ZNF577: variants seen among roughly 807,000 people sequenced by gnomAD.
The protein encoded by ZNF577 is zinc finger protein 577.
Under a neutral mutation model 13.9 loss-of-function variants are expected in ZNF577, and 14 were observed. The observed-to-expected ratio is 1.00, with a 90% confidence interval of 0.66 to 1.57. The LOEUF is 1.57. Among genes scored for constraint, ZNF577 ranks in the 40% most tolerant of loss-of-function variants. ZNF577 has a pLI of 0.00. For synonymous variants in ZNF577, 203 were observed against 202.9 expected (o/e 1.00, Z 0.00); for missense variants, 555 against 579.2 (o/e 0.96, Z 0.43).
intron 9 of ZNF577, chr19:51,839,879 G>A (rs73934674): frequency 0.073 from 11,068 of 152,244 alleles, 1,188 homozygotes; most frequent in African/African-American, 0.24. Context: ...CCCCAACAGC[G>A]CTGGGAAACT....
In ZNF577 at chr19:51,857,422, G is replaced by GAA. The variant is rs1555745883; in HGVS notation, c.284-12493_284-12492dup. Among the ~76,000 whole-genome samples, 619 of 108,504 alleles carry GAA rather than the reference G, an allele frequency of 5.7e-3. 1 individual carries two copies. Among genetic ancestry groups the GAA allele is most frequent in the South Asian group, 0.031 (83 of 2,664 alleles). 71.2% of individuals were successfully genotyped at this position (108,504 alleles called of 152,430 possible). On this transcript the variant is annotated intron_variant and NMD_transcript_variant, in intron 5 of 10. Transcript: ENST00000638827. ...AGAAAGAAAGAAAGAAAGAAAGAAA[G>GAA]AAAGAAAAGAAAAAACAAAGAAAGG... is the stretch of plus-strand genomic sequence containing the variant.
intron 5 of ZNF577, among the ~76,000 whole-genome samples, chr19:51,856,796 A>G (rs1360782835): frequency 6.6e-6 from 1 of 152,312 alleles, no homozygotes; most frequent in East Asian, 1.9e-4. Flanking sequence ...AGGTGGTAGT[A>G]TATTGCAGCC....
At position 51,868,728 on chromosome 19, in the gene ZNF577, A is replaced by G. The variant is rs1223532951; in HGVS notation, c.*3804T>C. 6.6e-6 allele frequency among the ~76,000 whole-genome samples: 1 copy of G among 152,228 alleles called. No individual in the cohort carries two copies. Among genetic ancestry groups the G allele is most frequent in the Non-Finnish European group, 1.5e-5 (1 of 68,038 alleles). On this transcript the variant is annotated 3_prime_UTR_variant, in exon 6 of 6. Transcript: ENST00000638348. ...ATGTGTGTGGGGGAAAGAAAGATAG[A>G]TCAGACTGCTACTGTGTCTATGTAG...
chr19:51,860,848 T>A, intron 5 of ZNF577: 1 of 365,540 alleles, frequency 2.7e-6, no homozygotes, highest in Middle Eastern at 4.1e-4. Context: ...ATCTATGAGA[T>A]TTCTCTCGTA....
intron 9 of ZNF577, among the ~76,000 whole-genome samples, chr19:51,837,055 A>AG (rs1438424482): frequency 6.9e-6 from 1 of 145,320 alleles, no homozygotes. Flanking sequence ...AAAAAAAAAA[A>AG]AAAAGAAAAG....
Position 51,869,025 on chromosome 19 carries a change from C to T in ZNF577, c.*3507G>A, listed in dbSNP as rs939959294. Among the ~76,000 whole-genome samples the T allele has an allele frequency of 6.6e-6, 1 of 152,148 alleles. No individual in the cohort carries two copies. Among genetic ancestry groups the T allele is most frequent in the African/African-American group, 2.4e-5 (1 of 41,414 alleles). On this transcript the variant is annotated 3_prime_UTR_variant, in exon 6 of 6. Coordinates refer to ENST00000638348, the MANE Select transcript of ZNF577 (RefSeq NM_001370449.1). Reference sequence around the variant, plus strand: ...GCGGAAGGCCGCAGGGACCTCTGCCCAAGAAAGCCTGGGTATCGTCCAAGG... The same window carrying T: ...GCGGAAGGCCGCAGGGACCTCTGCCTAAGAAAGCCTGGGTATCGTCCAAGG...
chr19:51,822,173 T>A (rs1238405851), intron 9 of ZNF577, among the ~76,000 whole-genome samples: 3 of 152,180 alleles, frequency 2.0e-5, no homozygotes. Context: ...GGGACTGTAA[T>A]TTTGTGATTC....
intron 5 of ZNF577, chr19:51,860,879 T>C (rs1362588628): frequency 7.7e-6 from 3 of 391,588 alleles, no homozygotes; most frequent in African/African-American, 2.2e-5. Flanking sequence ...TCAAAGAGTT[T>C]TGACTTTCAG....
chr19:51,856,197 A>AT, intron 5 of ZNF577, among the ~76,000 whole-genome samples: 1 of 152,178 alleles, frequency 6.6e-6, no homozygotes, highest in East Asian at 1.9e-4. Context: ...CACATAATTT[A>AT]TTTTTTGCAC....
chr19:51,874,077 C>A (rs1407983534), intron 5 of ZNF577, among the ~76,000 whole-genome samples: 1 of 152,170 alleles, frequency 6.6e-6, no homozygotes, highest in African/African-American at 2.4e-5. Context: ...TCAGCAACAA[C>A]AATGGATACT....
chr19:51,812,556 C>T (rs1266082909), intron 9 of ZNF577, among the ~76,000 whole-genome samples: 1 of 152,126 alleles, frequency 6.6e-6, no homozygotes, highest in African/African-American at 2.4e-5. Flanking sequence ...TTCTACAGAC[C>T]CTCAGCTACA....
intron 5 of ZNF577, among the ~76,000 whole-genome samples, chr19:51,875,448 G>A (rs955782550): frequency 4.0e-5 from 6 of 151,476 alleles, no homozygotes; most frequent in Admixed American, 6.6e-5. Context: ...AACAAGAGCC[G>A]ACAGCGAAAG....
intron 9 of ZNF577, among the ~76,000 whole-genome samples, chr19:51,839,025 A>T (rs999179566): frequency 6.6e-6 from 1 of 152,248 alleles, no homozygotes; most frequent in Non-Finnish European, 1.5e-5. Flanking sequence ...TTTCTCAATT[A>T]TCTACTATAA....
At chr19:51,836,514 A>G (rs1180786977) in intron 9 of ZNF577, among the ~76,000 whole-genome samples, 1 of 152,142 alleles carries the variant, frequency 6.6e-6, no homozygotes, top group Non-Finnish European at 1.5e-5. Flanking sequence ...TCTTCTTCTG[A>G]AAAACGTCTA....
Position 51,845,913 on chromosome 19 carries a change from A to AAC in ZNF577, c.284-984_284-983dup, listed in dbSNP as rs2084349010. On this transcript the variant is annotated intron_variant and NMD_transcript_variant, in intron 5 of 10. Coordinates refer to the ZNF577 transcript ENST00000638827. ...ATTACCTCTCTTGGCTATTGTGAAT[A>AAC]ACACTGCAATGAACATGGGAGTGCA... is the stretch of plus-strand genomic sequence containing the variant. Among the ~76,000 whole-genome samples the AAC allele has an allele frequency of 2.6e-5, 4 of 152,252 alleles. No individual in the cohort carries two copies. The South Asian group carries it at 8.3e-4, about 31-fold the overall frequency.
At chr19:51,860,649 T>C (rs571224783) in intron 5 of ZNF577, 1 of 174,438 alleles carries the variant, frequency 5.7e-6, no homozygotes, top group East Asian at 1.9e-4. Context: ...TTTCAAAAGC[T>C]TTCCACATTC....
At chr19:51,837,627 A>G (rs751438364) in intron 9 of ZNF577, among the ~76,000 whole-genome samples, 7 of 152,294 alleles carry the variant, frequency 4.6e-5, no homozygotes, top group African/African-American at 9.6e-5. Flanking sequence ...TATCTCTTAT[A>G]TAATTCCATA....
intron 10 of ZNF577, among the ~76,000 whole-genome samples, chr19:51,806,242 C>T (rs2084057904): frequency 6.6e-6 from 1 of 152,154 alleles, no homozygotes; most frequent in Admixed American, 6.5e-5. Flanking sequence ...CATGTTTCTC[C>T]AGTCTCCCAT....
intron 5 of ZNF577, among the ~76,000 whole-genome samples, chr19:51,855,367 C>CTGTGTGTGTGTGTATGTGTGTG (rs1555745556): frequency 1.3e-4 from 18 of 143,560 alleles, no homozygotes; most frequent in African/African-American, 4.7e-4. Context: ...GCTGAGGGTG[C>CTGTGTGTGTGTGTATGTGTGTG]TGTGTGTGTG....
Sources: gnomAD v4.1 joint callset for allele counts (sites outside exome capture counted in the v4.1 genomes callset) on GRCh38, gnomAD v4.1.1 for gene constraint, MANE v1.5 for transcripts, NCBI Gene and HGNC (gene_info 2026-07-23, HGNC 2026-07-21) for gene names.